SHANK2: variants seen among roughly 807,000 people sequenced by gnomAD.
SHANK2 encodes the protein SH3 and multiple ankyrin repeat domains 2.
In SHANK2, 43 loss-of-function variants were observed where a neutral mutation model predicts 133.7. That is an observed-to-expected ratio of 0.32 (90% CI 0.25 to 0.41). The LOEUF (loss-of-function observed/expected upper bound fraction) is 0.41. SHANK2 is among the 10% of genes least tolerant of loss of function. The pLI is 1.00. For synonymous variants in SHANK2, 1,017 were observed against 952.8 expected, an observed-to-expected ratio of 1.07 and a Z score of -1.24; for missense variants, 1,994 against 2,235.8, an observed-to-expected ratio of 0.89 and a Z score of 2.18.
chr11:70,855,142 G>C (rs1019052161), intron 11 of SHANK2, among the ~76,000 whole-genome samples: 1 of 152,184 alleles, frequency 6.6e-6, no homozygotes, highest in Non-Finnish European at 1.5e-5. Context: ...CAGCAGGCTC[G>C]GCTGCCCCTC....
In SHANK2 at chr11:70,846,302, C is replaced by T. The variant is rs544781105; in HGVS notation, c.1175-25620G>A. 6.7e-4 allele frequency among the ~76,000 whole-genome samples: 102 copies of T among 152,204 alleles called. 1 individual carries two copies. Among genetic ancestry groups the T allele is most frequent in the Middle Eastern group, 6.8e-3 (2 of 294 alleles). On this transcript the variant is annotated intron_variant, in intron 11 of 25. Coordinates refer to ENST00000601538, the MANE Select transcript of SHANK2 (RefSeq NM_012309.5). ...TATTAGAAACACGGTCTCGCTCGGTCGCTCAGGCTGATATGCAGTGGTGCG... is the reference window on the plus strand; with the variant it reads ...TATTAGAAACACGGTCTCGCTCGGTTGCTCAGGCTGATATGCAGTGGTGCG...
At chr11:71,243,251 A>G (rs1057115366) in intron 1 of SHANK2, among the ~76,000 whole-genome samples, 3 of 152,256 alleles carry the variant, frequency 2.0e-5, no homozygotes, top group Non-Finnish European at 4.4e-5. Context: ...TAGAAAAGCA[A>G]TAAAGAAAAT....
At chr11:70,619,650 A>G (rs1188070842) in intron 17 of SHANK2, among the ~76,000 whole-genome samples, 1 of 152,218 alleles carries the variant, frequency 6.6e-6, no homozygotes, top group Non-Finnish European at 1.5e-5. Flanking sequence ...GGCCACTGGC[A>G]GGCACAACTG....
chr11:70,771,475 CT>C lies in SHANK2; in HGVS notation c.1777+26967del, dbSNP rs373813091. Among the ~76,000 whole-genome samples, 15 of 152,326 alleles carry C rather than the reference CT, an allele frequency of 9.8e-5. No homozygotes were observed. The East Asian group carries it at 1.7e-3, about 18-fold the overall frequency. ...ATCTTCCTGCATGAGGACTGCAGTG[CT>C]GGAACCTTCTGAGCACATTCTCAGG... On this transcript the variant is annotated intron_variant, in intron 14 of 25. Coordinates refer to ENST00000601538, the MANE Select transcript of SHANK2 (RefSeq NM_012309.5).
chr11:70,773,031 G>A (rs1947286578), intron 14 of SHANK2, among the ~76,000 whole-genome samples: 1 of 152,152 alleles, frequency 6.6e-6, no homozygotes, highest in African/African-American at 2.4e-5. Flanking sequence ...GTGACCTCTG[G>A]CTCCTCTAAT....
chr11:71,111,343 C>T (rs532687170), intron 5 of SHANK2, among the ~76,000 whole-genome samples: 18 of 152,292 alleles, frequency 1.2e-4, no homozygotes, highest in African/African-American at 4.1e-4. Context: ...GCAGAAATAG[C>T]GATGCCTGGT....
intron 14 of SHANK2, among the ~76,000 whole-genome samples, chr11:70,761,276 A>G (rs1335437422): frequency 6.6e-6 from 1 of 152,110 alleles, no homozygotes; most frequent in African/African-American, 2.4e-5. Context: ...TAGGAGAGAT[A>G]AGAGAGTCCC....
intron 6 of SHANK2, among the ~76,000 whole-genome samples, chr11:71,104,039 C>G (rs1449369196): frequency 6.6e-6 from 1 of 152,038 alleles, no homozygotes; most frequent in Non-Finnish European, 1.5e-5. Context: ...CACCAGCTTC[C>G]TGTACAGCCT....
intron 17 of SHANK2, among the ~76,000 whole-genome samples, chr11:70,520,288 G>C (rs1391449054): frequency 6.6e-6 from 1 of 152,168 alleles, no homozygotes; most frequent in African/African-American, 2.4e-5. Context: ...GTCTGTCCCA[G>C]GATCTGTCCA....
intron 12 of SHANK2, among the ~76,000 whole-genome samples, chr11:70,811,698 CCCAT>C (rs1350846743): frequency 6.6e-6 from 1 of 151,604 alleles, no homozygotes; most frequent in Non-Finnish European, 1.5e-5. Flanking sequence ...CATCCATCTA[CCCAT>C]CCATCCACCA....
chr11:70,502,716 C>T (rs1262708642), intron 18 of SHANK2, 80 bp downstream of exon 18: 7 of 1,384,942 alleles, frequency 5.1e-6, no homozygotes, highest in African/African-American at 1.4e-5. Context: ...GGGCCCACTG[C>T]CCCCCAGCTG....
chr11:70,636,725 A>T (rs1274180844), intron 17 of SHANK2, among the ~76,000 whole-genome samples: 4 of 149,826 alleles, frequency 2.7e-5, no homozygotes, highest in African/African-American at 9.8e-5. Flanking sequence ...GCGAGGATGC[A>T]TGATGTGTGA....
chr11:71,197,252 T>G (rs751672482), intron 2 of SHANK2, among the ~76,000 whole-genome samples: 4 of 152,030 alleles, frequency 2.6e-5, no homozygotes, highest in Non-Finnish European at 5.9e-5. Context: ...TTCCCCCCAG[T>G]GTCCGGCCTG....
intron 9 of SHANK2, among the ~76,000 whole-genome samples, chr11:71,069,512 CACT>C (rs1337284821): frequency 2.6e-5 from 4 of 152,210 alleles, no homozygotes; most frequent in African/African-American, 9.7e-5. Flanking sequence ...TCACCATCAC[CACT>C]AACACCACTG....
intron 12 of SHANK2, among the ~76,000 whole-genome samples, chr11:70,811,233 A>G (rs1374441220): frequency 6.6e-6 from 1 of 152,202 alleles, no homozygotes; most frequent in Non-Finnish European, 1.5e-5. Flanking sequence ...TGAGCCACAG[A>G]GCAGGAGTCA....
rs566086857 is a variant in SHANK2, at chr11:70,636,397, G to A, written c.2061+23431C>T. On this transcript the variant is annotated intron_variant, in intron 17 of 25. Coordinates refer to ENST00000601538, the MANE Select transcript of SHANK2 (RefSeq NM_012309.5). ...AATGTGAGTCTGTGTGTATGAGTGT[G>A]TATGCGAGCATGTGTGAGCATGTGT... Among the ~76,000 whole-genome samples the A allele has an allele frequency of 3.1e-4, 47 of 152,304 alleles. No homozygotes were observed. In the South Asian group the frequency reaches 9.7e-3, roughly 32 times the overall value.
rs1478199190 is a variant in SHANK2 at position 71,175,531 on chromosome 11, A to G, written c.-12-28193T>C. Among the ~76,000 whole-genome samples, 1 of 147,700 alleles carries G rather than the reference A, an allele frequency of 6.8e-6. No individual in the cohort carries two copies. The highest frequency in any genetic ancestry group is 1.5e-5 in the Non-Finnish European group (1 of 67,080). On this transcript the variant is annotated intron_variant, in intron 2 of 25. Coordinates refer to ENST00000601538, the MANE Select transcript of SHANK2 (RefSeq NM_012309.5). The surrounding 1 kb of genome is among the most constrained non-coding windows in gnomAD (Gnocchi z 4.2). ...GAGGGGCAGAAACAGACAGACAGAC[A>G]GACAGAGGGAGAGGGAGAGGGAGAG...
At chr11:70,728,699 T>C (rs1946223326) in intron 14 of SHANK2, among the ~76,000 whole-genome samples, 1 of 152,256 alleles carries the variant, frequency 6.6e-6, no homozygotes, top group African/African-American at 2.4e-5. Context: ...AAGGTGCTGT[T>C]TGAATTACTG....
At chr11:70,582,531 G>C (rs2060197548) in intron 17 of SHANK2, among the ~76,000 whole-genome samples, 1 of 152,204 alleles carries the variant, frequency 6.6e-6, no homozygotes, top group African/African-American at 2.4e-5. Context: ...GTCCATATCT[G>C]ACCAGTGCGT....
Sources: gnomAD v4.1 joint callset for allele counts (sites outside exome capture counted in the v4.1 genomes callset) on GRCh38, gnomAD v4.1.1 for gene constraint, Gnocchi (gnomAD v3.1) non-coding constraint, MANE v1.5 for transcripts, NCBI Gene and HGNC (gene_info 2026-07-23, HGNC 2026-07-21) for gene names.